The following PRELID2 variants were observed in gnomAD, a reference collection of about 807,000 sequenced individuals.
PRELID2 encodes PRELI domain-containing protein 2.
In PRELID2, 25 loss-of-function variants were observed where a neutral mutation model predicts 28.4. That is an observed-to-expected ratio of 0.88 (90% CI 0.64 to 1.23). The LOEUF (loss-of-function observed/expected upper bound fraction) is 1.23. Among genes scored for constraint, PRELID2 ranks in the 50% most tolerant of loss-of-function variants. The probability of loss-of-function intolerance (pLI) is 0.00; values close to 1 mark genes in which losing one functional copy is unlikely to be tolerated. For synonymous variants in PRELID2, 76 were observed against 71.6 expected, an observed-to-expected ratio of 1.06 and a Z score of -0.31; for missense variants, 201 against 214.4, an observed-to-expected ratio of 0.94 and a Z score of 0.39.
the PRELID2 span, among the ~76,000 whole-genome samples, chr5:145,305,717 AACAC>A: frequency 6.6e-6 from 1 of 151,734 alleles, no homozygotes; most frequent in Non-Finnish European, 1.5e-5. Context: ...CACACATACA[AACAC>A]ACACACACTT....
At chr5:145,663,260 T>G (rs1451632632) in intron 1 of PRELID2, among the ~76,000 whole-genome samples, 1 of 152,134 alleles carries the variant, frequency 6.6e-6, no homozygotes, top group Non-Finnish European at 1.5e-5. Context: ...ACATTACTAT[T>G]GATCATGGTG....
At chr5:145,402,495 T>C in the PRELID2 span, among the ~76,000 whole-genome samples, 1 of 152,110 alleles carries the variant, frequency 6.6e-6, no homozygotes, top group South Asian at 2.1e-4. Flanking sequence ...TCCAGGAAAA[T>C]TGTAAAGGAA....
At chr5:145,697,033 T>TTATATATATATATATA (rs36117637) in intron 1 of PRELID2, among the ~76,000 whole-genome samples, 1 of 50,620 alleles carries the variant, frequency 2.0e-5, no homozygotes. Flanking sequence ...GAGAGGAAAA[T>TTATATATATATATATA]TATATATATA....
At chr5:145,297,042 T>C in the PRELID2 span, among the ~76,000 whole-genome samples, 1 of 152,130 alleles carries the variant, frequency 6.6e-6, no homozygotes, top group African/African-American at 2.4e-5. Context: ...TGGGGTTGTT[T>C]GTTTTTTCCT....
chr5:145,262,050 C>T, the PRELID2 span, among the ~76,000 whole-genome samples: 1 of 152,076 alleles, frequency 6.6e-6, no homozygotes, highest in African/African-American at 2.4e-5. Flanking sequence ...ATGCAAAATG[C>T]ACTGGAAAGT....
At chr5:145,615,227 C>T (rs569224821) in intron 1 of PRELID2, among the ~76,000 whole-genome samples, 1 of 152,176 alleles carries the variant, frequency 6.6e-6, no homozygotes, top group East Asian at 1.9e-4. Context: ...AATAACTACC[C>T]CTGCTCGCTT....
chr5:145,292,863 G>T, the PRELID2 span, among the ~76,000 whole-genome samples: 1 of 151,846 alleles, frequency 6.6e-6, no homozygotes, highest in Non-Finnish European at 1.5e-5. Flanking sequence ...GCATGCCATC[G>T]CACCATGCTA....
the PRELID2 span, among the ~76,000 whole-genome samples, chr5:145,438,243 A>T: frequency 1.6e-4 from 25 of 152,246 alleles, no homozygotes; most frequent in African/African-American, 5.8e-4. Context: ...CCTCACTGTT[A>T]ACATCAGAGA....
intron 1 of PRELID2, among the ~76,000 whole-genome samples, chr5:145,693,464 AT>A (rs902406320): frequency 2.8e-5 from 4 of 141,288 alleles, no homozygotes; most frequent in Admixed American, 1.4e-4. Flanking sequence ...AATTCTTAAA[AT>A]TAAAAAAAAA....
intron 1 of PRELID2, among the ~76,000 whole-genome samples, chr5:145,671,252 T>C (rs1754700949): frequency 6.6e-6 from 1 of 152,180 alleles, no homozygotes; most frequent in Non-Finnish European, 1.5e-5. Context: ...ATAGTTCATA[T>C]AAATTATTCA....
the PRELID2 span, among the ~76,000 whole-genome samples, chr5:145,378,512 T>C: frequency 6.6e-6 from 1 of 152,340 alleles, no homozygotes; most frequent in East Asian, 1.9e-4. Context: ...TATTATTGTC[T>C]GACTGTCTTA....
intron 1 of PRELID2, among the ~76,000 whole-genome samples, chr5:145,585,758 C>T (rs1753148267): frequency 6.6e-6 from 1 of 152,080 alleles, no homozygotes; most frequent in Admixed American, 6.6e-5. Context: ...ATAACAATGT[C>T]TCCCCTGCTT....
the PRELID2 span, among the ~76,000 whole-genome samples, chr5:145,306,260 CTT>C: frequency 2.0e-5 from 3 of 152,104 alleles, no homozygotes; most frequent in Admixed American, 6.5e-5. Flanking sequence ...CGGAATATAA[CTT>C]ATGTGAAGTG....
At chr5:145,353,800 T>C in the PRELID2 span, among the ~76,000 whole-genome samples, 3 of 152,230 alleles carry the variant, frequency 2.0e-5, no homozygotes, top group Middle Eastern at 3.4e-3. Flanking sequence ...TACAAGATGA[T>C]ATTTGAATGG....
chr5:145,491,829 A>C (rs2126627285), intron 1 of PRELID2, among the ~76,000 whole-genome samples: 1 of 152,094 alleles, frequency 6.6e-6, no homozygotes, highest in African/African-American at 2.4e-5. Context: ...TATTTCACTT[A>C]ATGTAATGTT....
At chr5:145,678,532 C>G (rs1255516597) in intron 1 of PRELID2, among the ~76,000 whole-genome samples, 1 of 152,126 alleles carries the variant, frequency 6.6e-6, no homozygotes, top group African/African-American at 2.4e-5. Context: ...AATCATAATG[C>G]TAAATATGTA....
At chr5:145,356,838 T>C in the PRELID2 span, among the ~76,000 whole-genome samples, 66 of 152,274 alleles carry the variant, frequency 4.3e-4, 1 homozygote, top group South Asian at 0.011. Context: ...ATGTGGTTGT[T>C]TTAGAGTGTC....
the PRELID2 span, among the ~76,000 whole-genome samples, chr5:145,466,054 C>T: frequency 2.6e-5 from 4 of 152,100 alleles, no homozygotes; most frequent in East Asian, 7.7e-4. Context: ...GCAGATTCTG[C>T]CTCAGAGATT....
intron 1 of PRELID2, among the ~76,000 whole-genome samples, chr5:145,707,003 A>C (rs1322237302): frequency 2.0e-5 from 3 of 152,210 alleles, no homozygotes; most frequent in African/African-American, 4.8e-5. Context: ...GCTCATTCTG[A>C]ATCTGCATTT....
Sources: gnomAD v4.1 joint callset for allele counts (sites outside exome capture counted in the v4.1 genomes callset) on GRCh38, gnomAD v4.1.1 for gene constraint, MANE v1.5 for transcripts, NCBI Gene and HGNC (gene_info 2026-07-23, HGNC 2026-07-21) for gene names.